The following TRIP12 variants were observed in gnomAD, a reference collection of about 807,000 sequenced individuals.
TRIP12 encodes the protein E3 ubiquitin-protein ligase TRIP12.
TRIP12 carries 25 observed loss-of-function variants against 244.2 expected under a neutral mutation model. The observed-to-expected ratio is 0.10, with a 90% confidence interval of 0.07 to 0.14. TRIP12 has a LOEUF of 0.14. TRIP12 is among the 10% of genes least tolerant of loss of function. TRIP12 has a pLI of 1.00. For missense variants in TRIP12, 1,677 were observed against 2,486.4 expected, an observed-to-expected ratio of 0.67 and a Z score of 6.92; for synonymous variants, 905 against 873.1, an observed-to-expected ratio of 1.04 and a Z score of -0.64.
chr2:229,858,445 G>C (rs1363222661), intron 4 of TRIP12, among the ~76,000 whole-genome samples: 1 of 152,146 alleles, frequency 6.6e-6, no homozygotes, highest in African/African-American at 2.4e-5. Context: ...TTTTGTATGT[G>C]GTATAGAAGA....
intron 1 of TRIP12, among the ~76,000 whole-genome samples, chr2:229,911,054 T>C (rs2074183360): frequency 6.6e-6 from 1 of 152,014 alleles, no homozygotes; most frequent in Non-Finnish European, 1.5e-5. Context: ...TGGGAAGAAA[T>C]GAAAATACAT....
At position 229,778,615 on chromosome 2, in the gene TRIP12, C is replaced by T. The variant is rs368292347; in HGVS notation, c.5210-28G>A. ...GAAAAACAAGCAATGCAGCAAACTT[C>T]AGATGATGTTTCCAAAAACAAAACA... On this transcript the variant is annotated intron_variant, in intron 35 of 41. Coordinates refer to ENST00000675903, the MANE Select transcript of TRIP12 (RefSeq NM_001348323.3). The surrounding 1 kb of genome is among the most constrained non-coding windows in gnomAD (Gnocchi z 4.1). 14 of 1,588,058 alleles carry T rather than the reference C, an allele frequency of 8.8e-6. No homozygotes were observed. Among genetic ancestry groups the T allele is most frequent in the Admixed American group, 1.9e-5 (1 of 53,696 alleles).
intron 26 of TRIP12, 199 bp downstream of exon 26, chr2:229,794,980 T>A (rs1197292165): frequency 6.6e-6 from 3 of 452,266 alleles, no homozygotes; most frequent in African/African-American, 6.1e-5. Flanking sequence ...TTATAAAGCA[T>A]CCTGTTTAAG....
At chr2:229,869,301 C>CT (rs1461216461) in intron 2 of TRIP12, among the ~76,000 whole-genome samples, 1 of 152,136 alleles carries the variant, frequency 6.6e-6, no homozygotes, top group African/African-American at 2.4e-5. Context: ...AACAAATATC[C>CT]TTTTCTAACC....
chr2:229,806,007 G>A (rs1242391422), intron 17 of TRIP12, 124 bp from the exon 18 acceptor site: 5 of 724,498 alleles, frequency 6.9e-6, no homozygotes, highest in Non-Finnish European at 1.0e-5. Flanking sequence ...AGATGGTGAA[G>A]TTAACAGAAG....
intron 2 of TRIP12, among the ~76,000 whole-genome samples, chr2:229,866,262 C>T (rs1039571530): frequency 1.3e-5 from 2 of 152,110 alleles, no homozygotes; most frequent in Non-Finnish European, 2.9e-5. Flanking sequence ...ATTTTTTTGG[C>T]AGCTTTACCA....
chr2:229,811,227 T>G, intron 13 of TRIP12, 23 bp from the exon 14 acceptor site: 1 of 1,598,738 alleles, frequency 6.3e-7, no homozygotes, highest in East Asian at 2.3e-5. Flanking sequence ...TAAAGGAAAA[T>G]AAAATTTATT....
chr2:229,798,464 TAA>T (rs34468486), intron 23 of TRIP12, among the ~76,000 whole-genome samples: 24 of 134,412 alleles, frequency 1.8e-4, no homozygotes, highest in Non-Finnish European at 2.1e-4. Context: ...CCCAAGGACT[TAA>T]AAAAAAAAAA....
chr2:229,831,580 G>A (rs558744393), intron 6 of TRIP12, among the ~76,000 whole-genome samples: 2 of 152,294 alleles, frequency 1.3e-5, no homozygotes, highest in African/African-American at 2.4e-5. Flanking sequence ...GCAGTGTGCC[G>A]TGATCGTGCC....
chr2:229,805,097 G>C (rs563429897), intron 18 of TRIP12, among the ~76,000 whole-genome samples: 2 of 152,110 alleles, frequency 1.3e-5, no homozygotes, highest in South Asian at 2.1e-4. Flanking sequence ...AGTAGAGATA[G>C]GGTTTCACCG....
chr2:229,904,906 C>A (rs535299252), intron 1 of TRIP12, among the ~76,000 whole-genome samples: 1 of 152,148 alleles, frequency 6.6e-6, no homozygotes, highest in Non-Finnish European at 1.5e-5. Context: ...TTTTCACAAA[C>A]AGAAACTGGA....
rs1208362791 is a variant in TRIP12 at position 229,815,320 on chromosome 2, A to G, written c.1600-12T>C. On this transcript the variant is annotated splice_polypyrimidine_tract_variant and intron_variant, in intron 9 of 41. Coordinates refer to ENST00000675903, the MANE Select transcript of TRIP12 (RefSeq NM_001348323.3). ...TGAAGTAACGTAATCTGTTAAAAAG[A>G]TAACAAAATATTAGAAGCTATATTC... The G allele has an allele frequency of 1.4e-6, 2 of 1,381,406 alleles. No homozygotes were observed. Among genetic ancestry groups the G allele is most frequent in the Non-Finnish European group, 2.0e-6 (2 of 991,682 alleles). The allele number at this position is 1,381,406 out of a possible 1,614,324, so 85.6% of individuals were successfully genotyped here.
At chr2:229,909,445 C>T (rs1421487809) in intron 1 of TRIP12, among the ~76,000 whole-genome samples, 2 of 151,568 alleles carry the variant, frequency 1.3e-5, no homozygotes, top group Non-Finnish European at 2.9e-5. Context: ...GTAGTCCCAG[C>T]TAGTCAAGAG....
At chr2:229,890,552 G>C (rs922140365) in intron 1 of TRIP12, among the ~76,000 whole-genome samples, 1 of 152,136 alleles carries the variant, frequency 6.6e-6, no homozygotes, top group African/African-American at 2.4e-5. Context: ...ACAACCTGGG[G>C]AACTGTCAGA....
At chr2:229,840,521 G>T (rs1162203756) in intron 5 of TRIP12, among the ~76,000 whole-genome samples, 1 of 152,068 alleles carries the variant, frequency 6.6e-6, no homozygotes, top group Non-Finnish European at 1.5e-5. Context: ...GGCCAACATG[G>T]TGAAACCGCA....
At chr2:229,831,388 A>C (rs890856854) in intron 6 of TRIP12, among the ~76,000 whole-genome samples, 2 of 152,218 alleles carry the variant, frequency 1.3e-5, no homozygotes, top group African/African-American at 4.8e-5. Flanking sequence ...ATGAAGCATG[A>C]AGGAGGTTGG....
chr2:229,876,016 G>A (rs2063510008), intron 2 of TRIP12, among the ~76,000 whole-genome samples: 1 of 152,216 alleles, frequency 6.6e-6, no homozygotes, highest in South Asian at 2.1e-4. Context: ...GCTCATGCCT[G>A]TAATCCCAGC....
At chr2:229,809,183 T>C (rs1224512674) in intron 15 of TRIP12, among the ~76,000 whole-genome samples, 2 of 152,246 alleles carry the variant, frequency 1.3e-5, no homozygotes, top group Non-Finnish European at 2.9e-5. Flanking sequence ...GGCAGAGATG[T>C]GGATAGTGAA....
Position 229,798,903 on chromosome 2 carries a change from C to T in TRIP12, c.3454G>A (p.Ala1152Thr), listed in dbSNP as rs1575154596. Residue 1152 changes from alanine to threonine, a missense_variant, in exon 23 of 42, where the codon GCC (alanine) becomes ACC (threonine). This residue lies in a region of TRIP12 where 572 missense variants were observed against 867.8 expected (regional missense o/e 0.66). Coordinates refer to ENST00000675903, the MANE Select transcript of TRIP12 (RefSeq NM_001348323.3). ...TAGGSGLARA[A>T]SKDTISNNRE... ...TTATTGGAGATGGTATCCTTTGAGG[C>T]AGCCCTGGCAAGGCCACTACCTCCC... 2 of 1,614,134 alleles carry T rather than the reference C, an allele frequency of 1.2e-6. No homozygotes were observed. Among genetic ancestry groups the T allele is most frequent in the African/African-American group, 1.3e-5 (1 of 75,042 alleles).
Sources: allele counts gnomAD v4.1 joint callset (sites outside exome capture counted in the v4.1 genomes callset), GRCh38; gene constraint gnomAD v4.1.1; regional missense constraint gnomAD v4.1.1; non-coding constraint Gnocchi (gnomAD v3.1); transcripts MANE v1.5; gene names NCBI Gene and HGNC (gene_info 2026-07-23, HGNC 2026-07-21).